Variants in THSD7B observed in about 807,000 individuals in gnomAD.
THSD7B encodes thrombospondin type-1 domain-containing protein 7B.
In THSD7B, 138 loss-of-function variants were observed where a neutral mutation model predicts 213.6. That is an observed-to-expected ratio of 0.65 (90% confidence interval 0.56 to 0.74). The LOEUF (loss-of-function observed/expected upper bound fraction) is 0.74, where lower values mean the gene tolerates loss of function less well. Among genes scored for constraint, THSD7B ranks in the 30% least tolerant of loss-of-function variants. The pLI, the probability that THSD7B is intolerant of heterozygous loss-of-function variation, is 0.00. For missense variants in THSD7B, 1,931 were observed against 1,991.5 expected (o/e 0.97, Z 0.58); for synonymous variants, 742 against 687.0 (o/e 1.08, Z -1.25).
At chr2:137,281,969 G>A (rs1043930690) in intron 12 of THSD7B, among the ~76,000 whole-genome samples, 1 of 152,168 alleles carries the variant, frequency 6.6e-6, no homozygotes, top group African/African-American at 2.4e-5. Context: ...GATCCTTGAG[G>A]AATCACCACA....
intron 1 of THSD7B, among the ~76,000 whole-genome samples, chr2:136,852,186 C>T (rs535926002): frequency 1.1e-4 from 16 of 151,828 alleles, no homozygotes; most frequent in South Asian, 8.3e-4. Flanking sequence ...AGAGATACAA[C>T]GAAGTGAGGA....
At chr2:137,446,086 A>G (rs915137929) in intron 14 of THSD7B, among the ~76,000 whole-genome samples, 1 of 151,950 alleles carries the variant, frequency 6.6e-6, no homozygotes. Context: ...GTGTCAGTAG[A>G]TAGAACATAA....
intron 3 of THSD7B, among the ~76,000 whole-genome samples, chr2:137,071,387 C>A (rs1687485566): frequency 6.6e-6 from 1 of 152,222 alleles, no homozygotes; most frequent in African/African-American, 2.4e-5. Flanking sequence ...ATCCTTTGCC[C>A]ACTTTTTGAT....
chr2:137,479,439 C>T (rs1300547390), intron 15 of THSD7B: 10 of 345,758 alleles, frequency 2.9e-5, no homozygotes, highest in Admixed American at 1.0e-4. Flanking sequence ...CTGGCTGTGG[C>T]AGACAGGGAT....
chr2:137,252,783 C>G (rs566848443), intron 10 of THSD7B, among the ~76,000 whole-genome samples: 1 of 152,170 alleles, frequency 6.6e-6, no homozygotes, highest in Non-Finnish European at 1.5e-5. Flanking sequence ...GCCTTTCCAA[C>G]TGGTTCAAGC....
chr2:137,241,054 G>A (rs1235302948), intron 9 of THSD7B, among the ~76,000 whole-genome samples: 2 of 151,784 alleles, frequency 1.3e-5, no homozygotes, highest in Non-Finnish European at 2.9e-5. Context: ...CAGGTGCTTT[G>A]TCTCCATGAA....
chr2:136,962,042 C>A lies in THSD7B; in HGVS notation c.139+79725C>A, dbSNP rs532261388. 2.0e-5 allele frequency among the ~76,000 whole-genome samples: 3 copies of A among 152,162 alleles called. No homozygotes were observed. In the South Asian group the frequency reaches 6.2e-4, roughly 32 times the overall value. On this transcript the variant is annotated intron_variant, in intron 2 of 27. Coordinates refer to ENST00000409968, the MANE Select transcript of THSD7B (RefSeq NM_001316349.2). The stretch of plus-strand genomic sequence containing the variant: ...ATTATCCTACATTTTCTGGATGGAC[C>A]CAGTGTTATAATCAATGTCCTTATG...
At chr2:137,387,664 A>T (rs1353446155) in intron 12 of THSD7B, among the ~76,000 whole-genome samples, 2 of 152,136 alleles carry the variant, frequency 1.3e-5, no homozygotes, top group Non-Finnish European at 2.9e-5. Flanking sequence ...CAAAAAAGAA[A>T]TATTTTTTCT....
At chr2:137,636,314 C>G (rs927253919) in intron 20 of THSD7B, among the ~76,000 whole-genome samples, 1 of 152,076 alleles carries the variant, frequency 6.6e-6, no homozygotes, top group Non-Finnish European at 1.5e-5. Context: ...GATCTTCACA[C>G]CAAAGATTAA....
intron 3 of THSD7B, among the ~76,000 whole-genome samples, chr2:137,057,715 T>G (rs1687197951): frequency 1.3e-5 from 2 of 152,242 alleles, no homozygotes; most frequent in Non-Finnish European, 2.9e-5. Flanking sequence ...ACATCTGTGT[T>G]GTACATTTTT....
At chr2:137,075,294 C>T (rs945705215) in intron 3 of THSD7B, among the ~76,000 whole-genome samples, 8 of 152,218 alleles carry the variant, frequency 5.3e-5, no homozygotes, top group African/African-American at 1.7e-4. Flanking sequence ...TCTTTTTATT[C>T]TTTTTTCTCT....
At chr2:136,915,318 A>C (rs1684332008) in intron 2 of THSD7B, among the ~76,000 whole-genome samples, 1 of 152,232 alleles carries the variant, frequency 6.6e-6, no homozygotes, top group Non-Finnish European at 1.5e-5. Context: ...CAGTCCAGAG[A>C]TGGAGACAGG....
intron 10 of THSD7B, among the ~76,000 whole-genome samples, chr2:137,263,333 G>A (rs1300735662): frequency 3.3e-5 from 5 of 151,800 alleles, no homozygotes; most frequent in African/African-American, 1.2e-4. Context: ...ACTTAATTAA[G>A]CATTCCTAAC....
chr2:136,833,317 T>C (rs1178695820), intron 1 of THSD7B, among the ~76,000 whole-genome samples: 1 of 123,522 alleles, frequency 8.1e-6, no homozygotes, highest in Non-Finnish European at 1.6e-5. Context: ...GGAGCTGAGA[T>C]AGTGCCACTG....
At chr2:136,960,592 A>G (rs1186285788) in intron 2 of THSD7B, among the ~76,000 whole-genome samples, 7 of 152,126 alleles carry the variant, frequency 4.6e-5, no homozygotes, top group African/African-American at 1.7e-4. Flanking sequence ...GGTTACTTCA[A>G]AACTGTTTCT....
chr2:137,052,601 ATAT>A (rs1219661578), intron 2 of THSD7B, among the ~76,000 whole-genome samples: 1 of 152,078 alleles, frequency 6.6e-6, no homozygotes, highest in African/African-American at 2.4e-5. Flanking sequence ...TGTAAAGGTA[ATAT>A]TCTTCTTTCT....
At chr2:137,428,949 A>G (rs1687116634) in intron 14 of THSD7B, among the ~76,000 whole-genome samples, 1 of 152,144 alleles carries the variant, frequency 6.6e-6, no homozygotes, top group Non-Finnish European at 1.5e-5. Context: ...TCTGCTGTGT[A>G]AGGAGAAAGC....
chr2:136,900,178 A>G (rs181333190), intron 2 of THSD7B, among the ~76,000 whole-genome samples: 23 of 152,276 alleles, frequency 1.5e-4, no homozygotes, highest in Non-Finnish European at 1.5e-5. Context: ...GTATACCCTT[A>G]CTTTGTGCCC....
chr2:137,599,357 T>C (rs1420518052), intron 17 of THSD7B, among the ~76,000 whole-genome samples: 1 of 152,082 alleles, frequency 6.6e-6, no homozygotes, highest in African/African-American at 2.4e-5. Flanking sequence ...AAAGAAGACA[T>C]TTATGCAGCC....
Sources: gnomAD v4.1 joint callset for allele counts (sites outside exome capture counted in the v4.1 genomes callset) on GRCh38, gnomAD v4.1.1 for gene constraint, MANE v1.5 for transcripts, NCBI Gene and HGNC (gene_info 2026-07-23, HGNC 2026-07-21) for gene names.